The following VCL variants were observed in gnomAD, a reference collection of about 807,000 sequenced individuals.
VCL encodes epididymis luminal protein 114.
Under a neutral mutation model 125.7 loss-of-function variants are expected in VCL, and 47 were observed. The observed-to-expected ratio is 0.37, with a 90% CI of 0.30 to 0.48. VCL has a LOEUF of 0.48. VCL is among the 20% of genes least tolerant of loss of function. The pLI is 0.99. For synonymous variants in VCL, 458 were observed against 514.6 expected, an observed-to-expected ratio of 0.89 and a Z score of 1.49; for missense variants, 1,069 against 1,455.5, an observed-to-expected ratio of 0.73 and a Z score of 4.32.
downstream of VCL, chr10:74,121,139 G>A (rs1840442227): frequency 6.6e-6 from 1 of 152,178 alleles, no homozygotes; most frequent in South Asian, 2.1e-4. Context: ...TTGAGTTAAG[G>A]GAAAGGCCAA....
chr10:74,078,454 C>T (rs1839628724), intron 6 of VCL, among the ~76,000 whole-genome samples: 1 of 152,128 alleles, frequency 6.6e-6, no homozygotes, highest in Admixed American at 6.6e-5. Context: ...TTTCTATGAG[C>T]AAGTGTTCTA....
chr10:74,066,351 G>A (rs1263296599), intron 2 of VCL, among the ~76,000 whole-genome samples: 1 of 151,976 alleles, frequency 6.6e-6, no homozygotes, highest in African/African-American at 2.4e-5. Flanking sequence ...GAGCCACCAC[G>A]CCTGGCCAAT....
chr10:74,099,036 A>G (rs1210879425), intron 13 of VCL, among the ~76,000 whole-genome samples: 1 of 152,166 alleles, frequency 6.6e-6, no homozygotes, highest in Non-Finnish European at 1.5e-5. Flanking sequence ...ATATTGCCAG[A>G]GCTCTAATTA....
At chr10:74,080,866 A>G (rs1026216838) in intron 6 of VCL, among the ~76,000 whole-genome samples, 2 of 152,198 alleles carry the variant, frequency 1.3e-5, no homozygotes, top group African/African-American at 4.8e-5. Context: ...TTATTGATTC[A>G]GGCCTTGCTA....
At chr10:74,047,807 G>A (rs1480337964) in intron 2 of VCL, among the ~76,000 whole-genome samples, 1 of 152,076 alleles carries the variant, frequency 6.6e-6, no homozygotes, top group Non-Finnish European at 1.5e-5. Flanking sequence ...TGGCAATTAG[G>A]GCATATGGAA....
Position 74,118,210 on chromosome 10 carries a change from A to T in VCL, c.*41A>T. The T allele has an allele frequency of 6.2e-7, 1 of 1,613,336 alleles. No individual in the cohort carries two copies. Among genetic ancestry groups the T allele is most frequent in the Non-Finnish European group, 8.5e-7 (1 of 1,179,722 alleles). On this transcript the variant is annotated 3_prime_UTR_variant, in exon 22 of 22. Coordinates refer to ENST00000211998, the MANE Select transcript of VCL (RefSeq NM_014000.3). Reference sequence around the variant, plus strand: ...TGGCTGGCACAGAAACCTCTACTAAAAAGAAGGAAAATGATCTGAGTCCCA... The same window carrying T: ...TGGCTGGCACAGAAACCTCTACTAATAAGAAGGAAAATGATCTGAGTCCCA...
chr10:74,096,339 C>A (rs537933415), intron 12 of VCL, among the ~76,000 whole-genome samples: 2 of 151,326 alleles, frequency 1.3e-5, no homozygotes, highest in Non-Finnish European at 2.9e-5. Context: ...GGTGACAGAG[C>A]GAGACTCCAT....
chr10:74,054,814 G>T (rs1300286809), intron 2 of VCL, among the ~76,000 whole-genome samples: 1 of 151,964 alleles, frequency 6.6e-6, no homozygotes, highest in Admixed American at 6.6e-5. Context: ...CCAGCTACTC[G>T]GGTGACTGAG....
chr10:74,108,968 T>TAA lies in VCL; in HGVS notation c.2560-2_2560-1insAA. ...TACTTACAACTTGTTTTCTCTTTTT[T>TAA]AGCTAACAGATGAGCTTGCTCCTCC... On this transcript the variant is annotated splice_polypyrimidine_tract_variant and splice_region_variant and intron_variant, in intron 17 of 21. Coordinates refer to ENST00000211998, the MANE Select transcript of VCL (RefSeq NM_014000.3). 3.7e-6 allele frequency: 6 copies of TAA among 1,614,172 alleles called. No homozygotes were observed. Among genetic ancestry groups the TAA allele is most frequent in the Non-Finnish European group, 5.1e-6 (6 of 1,180,022 alleles).
intron 2 of VCL, among the ~76,000 whole-genome samples, chr10:74,065,137 C>CTT (rs756851934): frequency 1.9e-4 from 26 of 133,376 alleles, no homozygotes; most frequent in Admixed American, 2.3e-4. Flanking sequence ...AATCCCAGCA[C>CTT]TTTTTTTTTT....
At chr10:74,041,787 C>T (rs776684881) in intron 1 of VCL, among the ~76,000 whole-genome samples, 2 of 152,102 alleles carry the variant, frequency 1.3e-5, no homozygotes, top group Non-Finnish European at 2.9e-5. Context: ...CCTGTAGTCC[C>T]AGCTACTTGG....
Position 74,105,329 on chromosome 10 carries a change from G to A in VCL, c.2410G>A (p.Val804Met). Residue 804 changes from valine (V) to methionine (M), a missense_variant, in exon 16 of 22, where the codon GTG (valine) becomes ATG (methionine). This residue lies in a region of VCL where 760 missense variants were observed against 928.9 expected (regional missense o/e 0.82). Transcript: ENST00000211998. The part of the protein sequence containing the change: ...ISPMVMDAKA[V>M]AGNISDPGLQ... ...CCCGATGGTGATGGATGCAAAAGCT[G>A]TGGCTGGAAACATTTCCGACCCTGG... 23 of 1,612,554 alleles carry A rather than the reference G, an allele frequency of 1.4e-5. No homozygotes were observed. Among genetic ancestry groups the A allele is most frequent in the Non-Finnish European group, 1.9e-5 (23 of 1,180,004 alleles).
intron 1 of VCL, among the ~76,000 whole-genome samples, chr10:74,016,056 C>T (rs947865868): frequency 6.6e-6 from 1 of 152,066 alleles, no homozygotes; most frequent in African/African-American, 2.4e-5. Flanking sequence ...GTCTTGAACT[C>T]TTGAGCTCAA....
chr10:74,002,718 C>G (rs1840250800), intron 1 of VCL, among the ~76,000 whole-genome samples: 1 of 151,242 alleles, frequency 6.6e-6, no homozygotes, highest in Non-Finnish European at 1.5e-5. Flanking sequence ...CCCGTCTCTA[C>G]TAAAAATACA....
At chr10:74,047,523 G>A (rs946750256) in intron 2 of VCL, among the ~76,000 whole-genome samples, 3 of 152,132 alleles carry the variant, frequency 2.0e-5, no homozygotes, top group Admixed American at 6.6e-5. Context: ...GGGCATGACC[G>A]ACTGAAACTT....
chr10:74,101,500 T>C (rs1417060654), intron 14 of VCL, among the ~76,000 whole-genome samples: 1 of 151,858 alleles, frequency 6.6e-6, no homozygotes, highest in Non-Finnish European at 1.5e-5. Context: ...CTTTATACAT[T>C]TTCATAACAT....
At chr10:74,104,017 T>G in intron 15 of VCL, 89 bp downstream of exon 15, 1 of 1,326,032 alleles carries the variant, frequency 7.5e-7, no homozygotes, top group Non-Finnish European at 1.1e-6. Flanking sequence ...TACTCAGCTG[T>G]AATTGGATAA....
At chr10:74,078,972 C>T (rs991896693) in intron 6 of VCL, among the ~76,000 whole-genome samples, 1 of 152,022 alleles carries the variant, frequency 6.6e-6, no homozygotes, top group East Asian at 1.9e-4. Context: ...TTTTCAAGAG[C>T]CTAGGATTGC....
intron 21 of VCL, 145 bp downstream of exon 21, chr10:74,115,044 A>T: frequency 1.1e-6 from 1 of 876,258 alleles, no homozygotes; most frequent in Non-Finnish European, 1.9e-6. Flanking sequence ...TCAGGAGGGG[A>T]AAGTCTGTGT....
Sources: gnomAD v4.1 joint callset for allele counts (sites outside exome capture counted in the v4.1 genomes callset) on GRCh38, gnomAD v4.1.1 for gene constraint, gnomAD v4.1.1 regional missense constraint, MANE v1.5 for transcripts, NCBI Gene and HGNC (gene_info 2026-07-23, HGNC 2026-07-21) for gene names.